Variants in GRIK2 observed in about 807,000 individuals in gnomAD.
GRIK2 encodes the protein glutamate ionotropic receptor kainate type subunit 2, also known as glutamate receptor ionotropic, kainate 2.
In GRIK2, 32 loss-of-function variants were observed where a neutral mutation model predicts 100.3. That is an observed-to-expected ratio of 0.32 (90% confidence interval 0.24 to 0.43). GRIK2 has a LOEUF of 0.43. GRIK2 is among the 20% of genes least tolerant of loss of function. The probability of loss-of-function intolerance (pLI) is 1.00; values close to 1 mark genes in which losing one functional copy is unlikely to be tolerated. For synonymous variants in GRIK2, 417 were observed against 389.4 expected (o/e 1.07, Z -0.83); for missense variants, 843 against 1,114.9 (o/e 0.76, Z 3.47).
At chr6:101,955,912 T>G (rs1791906939) in intron 14 of GRIK2, among the ~76,000 whole-genome samples, 2 of 152,110 alleles carry the variant, frequency 1.3e-5, no homozygotes, top group Non-Finnish European at 2.9e-5. Flanking sequence ...TTCTAGTTTT[T>G]ATTATTTTCT....
At chr6:101,506,056 T>C (rs533056011) in intron 2 of GRIK2, among the ~76,000 whole-genome samples, 1 of 152,240 alleles carries the variant, frequency 6.6e-6, no homozygotes, top group Non-Finnish European at 1.5e-5. Context: ...TGAAATAAAT[T>C]AACCAATTTA....
chr6:101,462,645 G>A (rs1771388536), intron 2 of GRIK2, among the ~76,000 whole-genome samples: 1 of 152,192 alleles, frequency 6.6e-6, no homozygotes, highest in African/African-American at 2.4e-5. Context: ...GTTAAAGTCA[G>A]GCCTGTGCCT....
intron 15 of GRIK2, among the ~76,000 whole-genome samples, chr6:102,053,438 A>T (rs1052219833): frequency 2.0e-5 from 3 of 152,124 alleles, no homozygotes; most frequent in African/African-American, 7.2e-5. Flanking sequence ...CTCAAGCACC[A>T]TGTTATTGCT....
chr6:101,595,718 G>GTATATATATATATATATATATATATA (rs370175425), intron 2 of GRIK2, among the ~76,000 whole-genome samples: 2 of 122,324 alleles, frequency 1.6e-5, no homozygotes, highest in African/African-American at 3.2e-5. Flanking sequence ...GTGTGTGTGT[G>GTATATATATATATATATATATATATA]TATATATATA....
intron 2 of GRIK2, among the ~76,000 whole-genome samples, chr6:101,574,812 T>A (rs1205935342): frequency 6.6e-6 from 1 of 151,924 alleles, no homozygotes; most frequent in African/African-American, 2.4e-5. Flanking sequence ...TGTGGTAACC[T>A]ATTTTTAATA....
intron 4 of GRIK2, among the ~76,000 whole-genome samples, chr6:101,666,434 C>A (rs992640311): frequency 1.3e-5 from 2 of 152,180 alleles, no homozygotes; most frequent in Non-Finnish European, 2.9e-5. Context: ...CTTGGCTGAC[C>A]TGTAGTCTCC....
intron 7 of GRIK2, among the ~76,000 whole-genome samples, chr6:101,790,171 C>G (rs1344687031): frequency 2.6e-5 from 4 of 152,054 alleles, no homozygotes; most frequent in African/African-American, 9.7e-5. Context: ...ATTTGACTTC[C>G]TCTTTTCCTA....
intron 4 of GRIK2, among the ~76,000 whole-genome samples, chr6:101,639,121 C>T (rs544858031): frequency 2.4e-3 from 362 of 152,264 alleles, no homozygotes; most frequent in South Asian, 4.6e-3. Flanking sequence ...CTCACTGCAA[C>T]CCCCACCTTC....
At chr6:101,610,906 T>G (rs1412309117) in intron 2 of GRIK2, among the ~76,000 whole-genome samples, 1 of 151,816 alleles carries the variant, frequency 6.6e-6, no homozygotes, top group Non-Finnish European at 1.5e-5. Flanking sequence ...TCAGTTCTAT[T>G]TATATCTTGA....
chr6:101,512,388 T>G (rs1277785102), intron 2 of GRIK2, among the ~76,000 whole-genome samples: 1 of 152,092 alleles, frequency 6.6e-6, no homozygotes, highest in Non-Finnish European at 1.5e-5. Flanking sequence ...ATAGTTTGAT[T>G]TATTGATTTT....
At chr6:101,894,466 A>T (rs2128459136) in intron 12 of GRIK2, among the ~76,000 whole-genome samples, 1 of 151,826 alleles carries the variant, frequency 6.6e-6, no homozygotes, top group Non-Finnish European at 1.5e-5. Context: ...ACCTTATCCC[A>T]AAATTCTAAT....
At chr6:101,597,646 C>G (rs983305252) in intron 2 of GRIK2, among the ~76,000 whole-genome samples, 1 of 151,758 alleles carries the variant, frequency 6.6e-6, no homozygotes, top group African/African-American at 2.4e-5. Flanking sequence ...TAATTTAGAA[C>G]TTCTTCAGTT....
intron 16 of GRIK2, among the ~76,000 whole-genome samples, chr6:102,058,363 T>C (rs1771570454): frequency 6.6e-6 from 1 of 151,822 alleles, no homozygotes; most frequent in Admixed American, 6.6e-5. Flanking sequence ...TCTATCTATT[T>C]ACCTACCTAC....
chr6:101,889,674 C>A lies in GRIK2; in HGVS notation c.1559C>A (p.Thr520Asn). 6.2e-7 allele frequency: 1 copy of A among 1,601,338 alleles called. No individual in the cohort carries two copies. Among genetic ancestry groups the A allele is most frequent in the South Asian group, 1.1e-5 (1 of 90,814 alleles). Residue 520 changes from threonine (T) to asparagine (N), a missense_variant, in exon 12 of 17, where the codon ACC becomes AAC. Physicochemically the swap from Thr to Asn is moderately conservative, Grantham distance 65. Transcript: ENST00000369134. ...CTTGCAGTTGCTCCACTGGCTATTA[C>A]CTATGTTCGAGAGAAGGTCATCGAC... The part of the protein sequence containing the change: ...ADLAVAPLAI[T>N]YVREKVIDFS...
At chr6:101,843,277 G>T (rs1015501603) in intron 10 of GRIK2, among the ~76,000 whole-genome samples, 1 of 152,166 alleles carries the variant, frequency 6.6e-6, no homozygotes, top group Non-Finnish European at 1.5e-5. Flanking sequence ...TGGATAGTTT[G>T]TCAGAGTTTG....
At chr6:101,835,510 G>A (rs142346339) in intron 10 of GRIK2, among the ~76,000 whole-genome samples, 3 of 119,162 alleles carry the variant, frequency 2.5e-5, no homozygotes, top group African/African-American at 3.3e-5. Flanking sequence ...TCACTCTGTC[G>A]CCCAGGCAGG....
chr6:101,930,369 A>G (rs576471718), intron 14 of GRIK2, among the ~76,000 whole-genome samples: 48 of 152,048 alleles, frequency 3.2e-4, no homozygotes, highest in African/African-American at 1.1e-3. Flanking sequence ...ATAAAATAAA[A>G]TAAATAAGTC....
intron 7 of GRIK2, among the ~76,000 whole-genome samples, chr6:101,764,450 T>TGA (rs144599253): frequency 1.6e-4 from 24 of 151,812 alleles, no homozygotes; most frequent in African/African-American, 4.6e-4. Flanking sequence ...TGTGTATGTG[T>TGA]GAGAGAGAGA....
At chr6:101,967,923 C>A (rs973866008) in intron 14 of GRIK2, among the ~76,000 whole-genome samples, 1 of 151,184 alleles carries the variant, frequency 6.6e-6, no homozygotes, top group African/African-American at 2.4e-5. Flanking sequence ...AACCAACAAC[C>A]CCTCCCACCC....
Sources: gnomAD v4.1 joint callset for allele counts (sites outside exome capture counted in the v4.1 genomes callset) on GRCh38, gnomAD v4.1.1 for gene constraint, MANE v1.5 for transcripts, NCBI Gene and HGNC (gene_info 2026-07-23, HGNC 2026-07-21) for gene names.